The following RPH3A variants were observed in gnomAD, a reference collection of about 807,000 sequenced individuals.
The protein encoded by RPH3A is rabphilin 3A, also known as rabphilin-3A.
In RPH3A, 48 loss-of-function variants were observed where a neutral mutation model predicts 102.2. The observed-to-expected ratio is 0.47, with a 90% CI of 0.37 to 0.60. The LOEUF is 0.60. Ranked by LOEUF, RPH3A falls within the 20% of genes least tolerant of loss-of-function variation. The probability of loss-of-function intolerance (pLI) is 0.00; values close to 1 mark genes in which losing one functional copy is unlikely to be tolerated. For missense variants in RPH3A, 781 were observed against 910.1 expected (o/e 0.86, Z 1.83); for synonymous variants, 310 against 324.3 (o/e 0.96, Z 0.47).
intron 2 of RPH3A, among the ~76,000 whole-genome samples, chr12:112,821,405 ACCCACC>A (rs926074581): frequency 1.3e-5 from 2 of 151,846 alleles, no homozygotes; most frequent in African/African-American, 4.8e-5. Flanking sequence ...ATGATCTGAC[ACCCACC>A]CCCACCACCA....
At chr12:112,595,859 A>G (rs1478132948) in intron 1 of RPH3A, among the ~76,000 whole-genome samples, 1 of 152,170 alleles carries the variant, frequency 6.6e-6, no homozygotes, top group Non-Finnish European at 1.5e-5. Context: ...CTAACTGAGA[A>G]TGAAATTTGG....
intron 1 of RPH3A, among the ~76,000 whole-genome samples, chr12:112,670,321 T>C (rs1341796095): frequency 1.3e-5 from 2 of 152,170 alleles, no homozygotes; most frequent in Non-Finnish European, 1.5e-5. Flanking sequence ...TTGCTGGGAT[T>C]ACAGGTGTGC....
intron 2 of RPH3A, among the ~76,000 whole-genome samples, chr12:112,825,532 C>T (rs949545768): frequency 6.6e-5 from 10 of 152,036 alleles, no homozygotes; most frequent in African/African-American, 2.2e-4. Flanking sequence ...GTGGTCTCTC[C>T]CCCCCTTACT....
At chr12:112,640,102 C>T (rs1038839082) in intron 1 of RPH3A, among the ~76,000 whole-genome samples, 3 of 151,668 alleles carry the variant, frequency 2.0e-5, no homozygotes, top group Non-Finnish European at 4.4e-5. Flanking sequence ...AGGTGAATCA[C>T]TTGAGGTCAG....
chr12:112,782,164 G>A (rs576340125), intron 1 of RPH3A, among the ~76,000 whole-genome samples: 44 of 152,336 alleles, frequency 2.9e-4, no homozygotes, highest in African/African-American at 7.9e-4. Flanking sequence ...TCAATACAAC[G>A]CAATGCTTAA....
rs554760697 is a variant in RPH3A at position 112,611,940 on chromosome 12, G to A, written c.-140+36621G>A. Reference sequence around the variant, plus strand: ...TTAAATGGATGTGCTTATGGCTAGCGGCTAAAGCATTTGTCAAATATAGGC... The same window carrying A: ...TTAAATGGATGTGCTTATGGCTAGCAGCTAAAGCATTTGTCAAATATAGGC... On this transcript the variant is annotated intron_variant, in intron 1 of 21. Coordinates refer to the RPH3A transcript ENST00000543106. Among the ~76,000 whole-genome samples the A allele has an allele frequency of 3.1e-4, 47 of 152,236 alleles. No individual in the cohort carries two copies. In the South Asian group the frequency reaches 3.5e-3, roughly 11 times the overall value.
At chr12:112,583,313 A>G (rs1320680570) in intron 1 of RPH3A, among the ~76,000 whole-genome samples, 3 of 152,108 alleles carry the variant, frequency 2.0e-5, no homozygotes, top group Non-Finnish European at 4.4e-5. Flanking sequence ...TGAAGTCACT[A>G]TTTTCAACAT....
chr12:112,637,462 G>A (rs1444749360), intron 1 of RPH3A, among the ~76,000 whole-genome samples: 1 of 152,176 alleles, frequency 6.6e-6, no homozygotes, highest in African/African-American at 2.4e-5. Context: ...GGAGGATCAT[G>A]CTGAAGGGAA....
At chr12:112,708,178 C>T (rs1463384603) in intron 1 of RPH3A, among the ~76,000 whole-genome samples, 2 of 152,218 alleles carry the variant, frequency 1.3e-5, no homozygotes, top group Admixed American at 6.5e-5. Flanking sequence ...ATGTCACAGC[C>T]TATGTGGTCC....
intron 3 of RPH3A, among the ~76,000 whole-genome samples, chr12:112,832,460 G>A (rs2041985354): frequency 6.6e-6 from 1 of 152,070 alleles, no homozygotes; most frequent in African/African-American, 2.4e-5. Context: ...GTGGCATGCT[G>A]GATATGTACC....
intron 3 of RPH3A, among the ~76,000 whole-genome samples, chr12:112,833,380 C>T (rs1467489955): frequency 1.3e-5 from 2 of 152,194 alleles, no homozygotes; most frequent in Non-Finnish European, 2.9e-5. Context: ...TGCCTGAAGC[C>T]TCTGACCATG....
At chr12:112,669,555 A>G (rs914165171) in intron 1 of RPH3A, among the ~76,000 whole-genome samples, 1 of 152,230 alleles carries the variant, frequency 6.6e-6, no homozygotes, top group Non-Finnish European at 1.5e-5. Flanking sequence ...GAAATAGAGT[A>G]AAAAGTGAAA....
chr12:112,580,404 T>C (rs2039390207), intron 1 of RPH3A, among the ~76,000 whole-genome samples: 1 of 136,184 alleles, frequency 7.3e-6, no homozygotes, highest in African/African-American at 2.8e-5. Flanking sequence ...CTTTTTTTTT[T>C]TTTTTTTTTT....
At chr12:112,677,302 C>T (rs918041544) in intron 1 of RPH3A, among the ~76,000 whole-genome samples, 78 of 151,370 alleles carry the variant, frequency 5.2e-4, no homozygotes, top group African/African-American at 1.8e-3. Flanking sequence ...CTTGAGCTTT[C>T]GCAGCACATA....
chr12:112,724,167 C>G (rs2040571014), intron 1 of RPH3A, among the ~76,000 whole-genome samples: 1 of 151,276 alleles, frequency 6.6e-6, no homozygotes, highest in Non-Finnish European at 1.5e-5. Flanking sequence ...AGTGATCCTC[C>G]TGCCTCAGCC....
At chr12:112,882,356 T>A (rs905047419) in intron 15 of RPH3A, among the ~76,000 whole-genome samples, 5 of 152,158 alleles carry the variant, frequency 3.3e-5, no homozygotes, top group African/African-American at 1.2e-4. Flanking sequence ...TTCTCCTCTC[T>A]GGGGATTGGC....
At position 112,850,453 on chromosome 12, in the gene RPH3A, T is replaced by C. The variant is rs537316343; in HGVS notation, c.230+2611T>C. ...GCCCCTGGCTTCCCCTGAAGGAGAT[T>C]TGAGAGGCTTCCAGGGGAGCTTGGG... is the stretch of plus-strand genomic sequence containing the variant. On this transcript the variant is annotated intron_variant, in intron 5 of 21. Coordinates refer to ENST00000389385, the MANE Select transcript of RPH3A (RefSeq NM_001143854.2). 5.9e-5 allele frequency among the ~76,000 whole-genome samples: 9 copies of C among 152,200 alleles called. No homozygotes were observed. In the East Asian group the frequency reaches 1.4e-3, roughly 23 times the overall value.
chr12:112,721,188 A>G (rs1718581921), intron 1 of RPH3A, among the ~76,000 whole-genome samples: 1 of 152,224 alleles, frequency 6.6e-6, no homozygotes, highest in South Asian at 2.1e-4. Flanking sequence ...AGCTCTAAAT[A>G]GTAGGATAAG....
At chr12:112,728,337 T>C (rs1592967189) in intron 1 of RPH3A, among the ~76,000 whole-genome samples, 1 of 151,938 alleles carries the variant, frequency 6.6e-6, no homozygotes, top group African/African-American at 2.4e-5. Context: ...CATGTTTTCA[T>C]AGCATCTTGA....
Sources: gnomAD v4.1 joint callset for allele counts (sites outside exome capture counted in the v4.1 genomes callset) on GRCh38, gnomAD v4.1.1 for gene constraint, MANE v1.5 for transcripts, NCBI Gene and HGNC (gene_info 2026-07-23, HGNC 2026-07-21) for gene names.